RBFOX1: variants seen among roughly 807,000 people sequenced by gnomAD.
RBFOX1 encodes RNA binding protein fox-1 homolog 1.
Under a neutral mutation model 57.7 loss-of-function variants are expected in RBFOX1, and 8 were observed. The ratio of observed to expected loss-of-function variants is 0.14; its 90% CI spans 0.08 to 0.25. The LOEUF is 0.25. RBFOX1 is among the 10% of genes least tolerant of loss of function. The probability of loss-of-function intolerance (pLI) is 1.00; values close to 1 mark genes in which losing one functional copy is unlikely to be tolerated. For missense variants in RBFOX1, 611 were observed against 548.5 expected (o/e 1.11, Z -1.14); for synonymous variants, 326 against 222.4 (o/e 1.47, Z -4.15).
At position 6,665,691 on chromosome 16, in the gene RBFOX1, A is replaced by G. The variant is rs76720080; in HGVS notation, c.-16+11041A>G. On this transcript the variant is annotated intron_variant, in intron 3 of 15. Coordinates refer to ENST00000550418, the MANE Select transcript of RBFOX1 (RefSeq NM_018723.4). The stretch of plus-strand genomic sequence containing the variant: ...AAACCTTGACTGATATTTTTTTTCC[A>G]GAAAGGAAAATAAATAATAATAATA... Among the ~76,000 whole-genome samples, 330 of 151,436 alleles carry G rather than the reference A, an allele frequency of 2.2e-3. 1 individual carries two copies. Among genetic ancestry groups the G allele is most frequent in the African/African-American group, 7.9e-3 (327 of 41,348 alleles).
At chr16:6,530,211 C>G (rs181634513) in intron 2 of RBFOX1, among the ~76,000 whole-genome samples, 1 of 152,194 alleles carries the variant, frequency 6.6e-6, no homozygotes, top group Non-Finnish European at 1.5e-5. Context: ...CTTCTTCCGG[C>G]CCTCTAGATC....
At chr16:5,604,598 C>A (rs548781089), downstream of RBFOX1, among the ~76,000 whole-genome samples, 4 of 152,230 alleles carry the variant, frequency 2.6e-5, no homozygotes, top group South Asian at 8.3e-4. Flanking sequence ...TCATGGCATG[C>A]CCATCATCTT....
chr16:6,733,002 T>C (rs2069069165), intron 3 of RBFOX1, among the ~76,000 whole-genome samples: 1 of 152,222 alleles, frequency 6.6e-6, no homozygotes, highest in Admixed American at 6.5e-5. Flanking sequence ...TTTATTGGCA[T>C]TTTTTAAAGG....
chr16:7,067,702 C>G (rs1000944597), intron 4 of RBFOX1, among the ~76,000 whole-genome samples: 1 of 118,146 alleles, frequency 8.5e-6, no homozygotes, highest in African/African-American at 3.2e-5. Context: ...CACCCCACAA[C>G]AATCCCCAGA....
chr16:6,525,807 T>C (rs1304240400), intron 2 of RBFOX1, among the ~76,000 whole-genome samples: 2 of 151,964 alleles, frequency 1.3e-5, no homozygotes, highest in African/African-American at 4.8e-5. Flanking sequence ...TGAGAGCTTT[T>C]CTCCCATAAC....
intron 2 of RBFOX1, among the ~76,000 whole-genome samples, chr16:6,569,492 A>G (rs1221795493): frequency 6.6e-6 from 1 of 152,214 alleles, no homozygotes; most frequent in East Asian, 1.9e-4. Context: ...CCCATAGCTT[A>G]TCCTTCACTA....
intron 3 of RBFOX1, among the ~76,000 whole-genome samples, chr16:7,048,578 CTT>C (rs932609058): frequency 1.3e-5 from 2 of 152,114 alleles, no homozygotes; most frequent in Non-Finnish European, 2.9e-5. Context: ...TCTTTATTAT[CTT>C]TTGTTTCTTT....
chr16:5,653,412 G>C (rs989541744), intron 3 of RBFOX1, among the ~76,000 whole-genome samples: 16 of 151,076 alleles, frequency 1.1e-4, no homozygotes, highest in Admixed American at 1.1e-3. Context: ...GCCGTGTGCT[G>C]GGTTTCTTTG....
chr16:7,667,296 C>T (rs1016833486), intron 13 of RBFOX1, among the ~76,000 whole-genome samples: 2 of 152,168 alleles, frequency 1.3e-5, no homozygotes, highest in Non-Finnish European at 2.9e-5. Flanking sequence ...CTGCCCAGCT[C>T]AGCAGCAGAA....
intron 3 of RBFOX1, among the ~76,000 whole-genome samples, chr16:6,765,498 C>T (rs538268146): frequency 1.3e-5 from 2 of 151,746 alleles, no homozygotes; most frequent in East Asian, 3.9e-4. Flanking sequence ...ATATAACAAA[C>T]CTGCACATGT....
At chr16:6,658,854 T>G (rs1236305175) in intron 3 of RBFOX1, among the ~76,000 whole-genome samples, 1 of 152,164 alleles carries the variant, frequency 6.6e-6, no homozygotes, top group Non-Finnish European at 1.5e-5. Flanking sequence ...CCTAGGGAGA[T>G]CCTAAGGGAT....
intron 3 of RBFOX1, among the ~76,000 whole-genome samples, chr16:6,835,149 C>T (rs1007843712): frequency 6.6e-6 from 1 of 152,076 alleles, no homozygotes; most frequent in Non-Finnish European, 1.5e-5. Context: ...GATCTGCCCA[C>T]CTCGGCCTCC....
chr16:7,406,840 GA>G (rs1453696181), intron 4 of RBFOX1, among the ~76,000 whole-genome samples: 5 of 152,184 alleles, frequency 3.3e-5, no homozygotes, highest in Non-Finnish European at 5.9e-5. Flanking sequence ...AAATCTAGGG[GA>G]AAGTCCATTT....
intron 4 of RBFOX1, among the ~76,000 whole-genome samples, chr16:7,455,366 T>C (rs2058287583): frequency 6.6e-6 from 1 of 152,204 alleles, no homozygotes; most frequent in Admixed American, 6.5e-5. Context: ...TATGTCTCTG[T>C]GCACATGCAT....
intron 3 of RBFOX1, among the ~76,000 whole-genome samples, chr16:6,952,850 C>T (rs1160041736): frequency 6.6e-6 from 1 of 151,978 alleles, no homozygotes; most frequent in Non-Finnish European, 1.5e-5. Flanking sequence ...TGGTGCATGC[C>T]TGTAATCCCA....
chr16:6,357,067 T>G (rs2087465123), intron 2 of RBFOX1, among the ~76,000 whole-genome samples: 1 of 152,046 alleles, frequency 6.6e-6, no homozygotes, highest in South Asian at 2.1e-4. Context: ...GGAGCAGTAT[T>G]TGGCCAAGGG....
chr16:6,419,374 T>C (rs2093712580), intron 2 of RBFOX1, among the ~76,000 whole-genome samples: 1 of 152,188 alleles, frequency 6.6e-6, no homozygotes, highest in Non-Finnish European at 1.5e-5. Context: ...GTGGAGTGTA[T>C]GGCTTGGTTT....
At chr16:7,371,111 T>C (rs745689157) in intron 4 of RBFOX1, among the ~76,000 whole-genome samples, 3 of 152,206 alleles carry the variant, frequency 2.0e-5, no homozygotes, top group African/African-American at 4.8e-5. Context: ...TCTGATGTTT[T>C]CATAAATGCC....
chr16:5,517,626 G>A (rs990801297), intron 2 of RBFOX1, among the ~76,000 whole-genome samples: 3 of 152,124 alleles, frequency 2.0e-5, no homozygotes, highest in Non-Finnish European at 4.4e-5. Context: ...GTGTGATTGA[G>A]GAAATAATGT....
Sources: gnomAD v4.1 joint callset for allele counts (sites outside exome capture counted in the v4.1 genomes callset) on GRCh38, gnomAD v4.1.1 for gene constraint, MANE v1.5 for transcripts, NCBI Gene and HGNC (gene_info 2026-07-23, HGNC 2026-07-21) for gene names.